LYG1: variants seen among roughly 807,000 people sequenced by gnomAD.
LYG1 encodes lysozyme g-like protein 1.
LYG1 carries 17 observed loss-of-function variants against 21.7 expected under a neutral mutation model. The observed-to-expected ratio is 0.78, with a 90% CI of 0.54 to 1.18. LYG1 has a LOEUF of 1.18. Ranked by LOEUF, LYG1 falls within the 50% of genes most tolerant of loss-of-function variation. The pLI, the probability that LYG1 is intolerant of heterozygous loss-of-function variation, is 0.00. For missense variants in LYG1, 211 were observed against 238.1 expected (o/e 0.89, Z 0.75); for synonymous variants, 81 against 87.4 (o/e 0.93, Z 0.41).
At chr2:99,289,339 A>G (rs894963436) in intron 5 of LYG1, among the ~76,000 whole-genome samples, 6 of 152,010 alleles carry the variant, frequency 3.9e-5, no homozygotes, top group Admixed American at 3.3e-4. Context: ...GCATGCTTGT[A>G]GTCCCAGCTA....
At chr2:99,299,951 CAT>C (rs1279368549) in intron 1 of LYG1, among the ~76,000 whole-genome samples, 2 of 151,994 alleles carry the variant, frequency 1.3e-5, no homozygotes, top group Non-Finnish European at 2.9e-5. Context: ...CACACACACA[CAT>C]GCACGTACAG....
chr2:99,290,971 T>C (rs2094116292), intron 5 of LYG1, among the ~76,000 whole-genome samples: 1 of 152,222 alleles, frequency 6.6e-6, no homozygotes, highest in African/African-American at 2.4e-5. Context: ...GTGATCTTTC[T>C]CTTGGACCAC....
chr2:99,291,854 GCA>G (rs1380301186), intron 4 of LYG1, among the ~76,000 whole-genome samples: 2 of 152,168 alleles, frequency 1.3e-5, no homozygotes, highest in Non-Finnish European at 2.9e-5. Flanking sequence ...GTTCACAATT[GCA>G]CAGTTTTCCA....
rs748732787 is a variant in LYG1, at chr2:99,284,504, G to C, written c.474C>G (p.Leu158=). 4.0e-5 allele frequency: 65 copies of C among 1,613,992 alleles called. No homozygotes were observed. The highest frequency in any genetic ancestry group is 5.2e-5 in the Non-Finnish European group (61 of 1,179,972). The part of the protein sequence containing the change: ...WTPDQYLRGG[L]CAYSGGAGYV... ...AGCCAGCACCCCCACTGTAGGCACA[G>C]AGTCCACCTGAAATGCATGAGATAG... The change falls in exon 7 of 7, where the codon CTC becomes CTG. Residue 158 remains leucine, a synonymous_variant. Coordinates refer to ENST00000308528, the MANE Select transcript of LYG1 (RefSeq NM_174898.3).
chr2:99,297,494 A>AGCTTTTATTTT (rs1262243867), intron 2 of LYG1, among the ~76,000 whole-genome samples: 1 of 152,192 alleles, frequency 6.6e-6, no homozygotes, highest in Non-Finnish European at 1.5e-5. Context: ...TTGGAAACCC[A>AGCTTTTATTTT]AGTGGAAGGA....
chr2:99,296,890 C>T (rs2094138275), intron 2 of LYG1, among the ~76,000 whole-genome samples: 1 of 152,084 alleles, frequency 6.6e-6, no homozygotes, highest in African/African-American at 2.4e-5. Flanking sequence ...TGGTGGCATA[C>T]ACCTGTAGTC....
At chr2:99,301,248 T>C (rs2105305285), upstream of LYG1, 1 of 152,318 alleles carries the variant, frequency 6.6e-6, no homozygotes, top group Admixed American at 6.5e-5. Context: ...TCCTGGCATT[T>C]TGCAAACATT....
intron 5 of LYG1, 126 bp downstream of exon 5, chr2:99,291,111 G>A: frequency 1.2e-6 from 1 of 830,252 alleles, no homozygotes; most frequent in Non-Finnish European, 1.9e-6. Context: ...AGGCAGAACT[G>A]TCACTGTCAC....
intron 1 of LYG1, among the ~76,000 whole-genome samples, chr2:99,299,289 T>C (rs1309180187): frequency 1.3e-5 from 2 of 150,116 alleles, no homozygotes; most frequent in African/African-American, 4.9e-5. Flanking sequence ...TTTTTCTTTT[T>C]TTTTTTTTTT....
rs1490594114 is a variant in LYG1, at chr2:99,298,568, G to A, written c.-123-19C>T. ...AATTTTTCTAGAAAAGGTAGAAACA[G>A]GTATCTTTGGTCTTATGGTTTTCTC... On this transcript the variant is annotated intron_variant, in intron 1 of 6. Coordinates refer to ENST00000308528, the MANE Select transcript of LYG1 (RefSeq NM_174898.3). 1 of 152,188 alleles carries A rather than the reference G, an allele frequency of 6.6e-6. No individual in the cohort carries two copies. The highest frequency in any genetic ancestry group is 1.5e-5 in the Non-Finnish European group (1 of 68,038). 9.4% of individuals were successfully genotyped at this position (152,188 alleles called of 1,614,324 possible). A position where few individuals can be genotyped will look rare whatever the true frequency, so the allele number is the denominator to read the frequency against.
intron 3 of LYG1, among the ~76,000 whole-genome samples, chr2:99,293,272 G>A (rs927176776): frequency 6.6e-6 from 1 of 152,112 alleles, no homozygotes; most frequent in Non-Finnish European, 1.5e-5. Flanking sequence ...GATCACAGGC[G>A]TGAGCCACCG....
At chr2:99,290,596 G>GA (rs2094115358) in intron 5 of LYG1, among the ~76,000 whole-genome samples, 1 of 152,092 alleles carries the variant, frequency 6.6e-6, no homozygotes, top group Non-Finnish European at 1.5e-5. Flanking sequence ...GAGATCAATG[G>GA]AAAAAATCAA....
chr2:99,285,191 A>T (rs2094095393), intron 5 of LYG1, among the ~76,000 whole-genome samples: 1 of 152,024 alleles, frequency 6.6e-6, no homozygotes, highest in African/African-American at 2.4e-5. Context: ...GGAAAACTTC[A>T]TCTCAACAAA....
chr2:99,301,476 G>A (rs1226168405), upstream of LYG1, among the ~76,000 whole-genome samples: 1 of 73,230 alleles, frequency 1.4e-5, no homozygotes, highest in Admixed American at 1.8e-4. Flanking sequence ...AGGGAGGAAG[G>A]GAAGGAAGAA....
rs1658594779 is a variant in LYG1 at position 99,291,487 on chromosome 2, G to A, written c.149-66C>T. 2.7e-6 allele frequency: 4 copies of A among 1,507,876 alleles called. No homozygotes were observed. The Admixed American group carries it at 7.4e-5, about 28-fold the overall frequency. The allele number at this position is 1,507,876 out of a possible 1,614,324, so 93.4% of individuals were successfully genotyped here. The stretch of plus-strand genomic sequence containing the variant: ...TTATGCTGCAACAGGAGCTCAAGGG[G>A]AGAGAGAAAGAACAATCCAAGGATC... On this transcript the variant is annotated intron_variant, in intron 4 of 6. Coordinates refer to ENST00000308528, the MANE Select transcript of LYG1 (RefSeq NM_174898.3).
Position 99,291,339 on chromosome 2 carries a change from T to G in LYG1, c.231A>C (p.Gln77His). 2 of 1,614,190 alleles carry G rather than the reference T, an allele frequency of 1.2e-6. No individual in the cohort carries two copies. Residue 77 changes from glutamine to histidine, a missense_variant, in exon 5 of 7, where the codon CAA (glutamine) becomes CAC (histidine). Physicochemically the swap from Gln to His is conservative, Grantham distance 24 (BLOSUM62 0). Coordinates refer to ENST00000308528, the MANE Select transcript of LYG1 (RefSeq NM_174898.3). ...TCACGGCAGGATCCATGCAGTACTT[T>G]TGGCCAATGGTTTGCATCATGGGTT... ...KYQPMMQTIG[Q>H]KYCMDPAVIA...
chr2:99,300,717 C>T (rs1184342003), intron 1 of LYG1, among the ~76,000 whole-genome samples: 1 of 143,632 alleles, frequency 7.0e-6, no homozygotes, highest in Admixed American at 7.2e-5. Context: ...AATATGACGT[C>T]GCATTTGGCC....
At chr2:99,293,546 T>G (rs1002466789) in intron 3 of LYG1, among the ~76,000 whole-genome samples, 2 of 152,168 alleles carry the variant, frequency 1.3e-5, no homozygotes, top group African/African-American at 4.8e-5. Flanking sequence ...ATGGGACCAG[T>G]CTCCACATGG....
intron 2 of LYG1, among the ~76,000 whole-genome samples, chr2:99,297,741 G>A (rs906191755): frequency 6.6e-6 from 1 of 152,132 alleles, no homozygotes; most frequent in African/African-American, 2.4e-5. Context: ...TAGAGCCAGA[G>A]TTTTACTCTG....
Sources: gnomAD v4.1 joint callset for allele counts (sites outside exome capture counted in the v4.1 genomes callset) on GRCh38, gnomAD v4.1.1 for gene constraint, MANE v1.5 for transcripts, NCBI Gene and HGNC (gene_info 2026-07-23, HGNC 2026-07-21) for gene names.